CCDC197: variants seen among roughly 807,000 people sequenced by gnomAD.
CCDC197 encodes the protein uncharacterized protein CCDC197.
Under a neutral mutation model 13.4 loss-of-function variants are expected in CCDC197, and 24 were observed. The ratio of observed to expected loss-of-function variants is 1.80; its 90% confidence interval spans 1.30 to 2.53. The LOEUF (loss-of-function observed/expected upper bound fraction) is 2.53, where lower values mean the gene tolerates loss of function less well. Among genes scored for constraint, CCDC197 ranks in the 30% most tolerant of loss-of-function variants. The pLI is 0.00. For synonymous variants in CCDC197, 99 were observed against 55.5 expected (o/e 1.78, Z -3.48); for missense variants, 255 against 148.8 (o/e 1.71, Z -3.71).
downstream of CCDC197, among the ~76,000 whole-genome samples, chr14:94,010,212 C>T (rs113796274): frequency 7.0e-6 from 1 of 143,282 alleles, no homozygotes; most frequent in African/African-American, 2.7e-5. Flanking sequence ...TGTTTGTTGT[C>T]GTTGTTTTTG....
intron 6 of CCDC197, 25 bp from the exon 7 acceptor site, chr14:94,008,584 G>C: frequency 1.4e-6 from 1 of 696,764 alleles, no homozygotes; most frequent in South Asian, 1.5e-5. Flanking sequence ...ACACTGTCAG[G>C]TGAGAGATTT....
At chr14:94,004,680 G>A (rs565468113) in intron 5 of CCDC197, among the ~76,000 whole-genome samples, 175 bp from the exon 6 acceptor site, 1 of 152,280 alleles carries the variant, frequency 6.6e-6, no homozygotes, top group South Asian at 2.1e-4. Flanking sequence ...AGGCTCTGAC[G>A]TAGGGAGGAA....
At position 94,008,828 on chromosome 14, in the gene CCDC197, C is replaced by T; in HGVS notation, c.*16C>T. ...CCTGTACTGACCAGCCTGCGCCTTG[C>T]AGGCCCCATGGCATCACGACCTCTC... is the stretch of plus-strand genomic sequence containing the variant. On this transcript the variant is annotated 3_prime_UTR_variant, in exon 7 of 7. Transcript: ENST00000636493. 1 of 691,302 alleles carries T rather than the reference C, an allele frequency of 1.4e-6. No individual in the cohort carries two copies. 42.8% of individuals were successfully genotyped at this position (691,302 alleles called of 1,614,324 possible). A position where few individuals can be genotyped will look rare whatever the true frequency, so the allele number is the denominator to read the frequency against.
chr14:93,998,773 C>G (rs1250407862), intron 2 of CCDC197, among the ~76,000 whole-genome samples: 1 of 152,248 alleles, frequency 6.6e-6, no homozygotes, highest in Non-Finnish European at 1.5e-5. Context: ...GCTCACAGGG[C>G]CCCACGTGGT....
At chr14:94,009,246 A>G (rs1273603162), downstream of CCDC197, among the ~76,000 whole-genome samples, 2 of 152,184 alleles carry the variant, frequency 1.3e-5, no homozygotes, top group Non-Finnish European at 2.9e-5. Flanking sequence ...TGCCCACAGC[A>G]GTCTGCAGAG....
chr14:93,992,389 G>A (rs1248120812), upstream of CCDC197, among the ~76,000 whole-genome samples: 1 of 152,204 alleles, frequency 6.6e-6, no homozygotes, highest in Non-Finnish European at 1.5e-5. Flanking sequence ...AGCAGGAGGT[G>A]ACAAGGTGGC....
intron 1 of CCDC197, among the ~76,000 whole-genome samples, chr14:93,989,191 C>T (rs564498503): frequency 2.1e-4 from 32 of 152,164 alleles, no homozygotes; most frequent in Admixed American, 2.0e-3. Flanking sequence ...TGACAGCTGC[C>T]GCAGACCCTA....
chr14:93,998,143 G>A lies in CCDC197; in HGVS notation c.12G>A (p.Met4Ile), dbSNP rs10142728. 105,232 of 780,500 alleles carry A rather than the reference G, an allele frequency of 0.13. 13,924 individuals carry two copies. Among genetic ancestry groups the A allele is most frequent in the East Asian group, 0.6 (24,765 of 41,228 alleles). The allele number at this position is 780,500 out of a possible 1,614,324, so 48.3% of individuals were successfully genotyped here. A position where few individuals can be genotyped will look rare whatever the true frequency, so the allele number is the denominator to read the frequency against. The change falls in exon 2 of 7, where the codon ATG becomes ATA. Residue 4 changes from methionine to isoleucine, a missense_variant. By Grantham distance (10) the Met-to-Ile change is conservative. Coordinates refer to ENST00000636493, the MANE Select transcript of CCDC197 (RefSeq NM_001351596.2). MAAMDTGQRADPSN... is the reference protein window; with the variant it reads MAAIDTGQRADPSN... Reference sequence around the variant, plus strand: ...GCGGTGGTGAGGTGATGGCAGCCATGGACACAGGCCAGAGAGCTGACCCAA... The same window carrying A: ...GCGGTGGTGAGGTGATGGCAGCCATAGACACAGGCCAGAGAGCTGACCCAA...
chr14:93,993,420 C>T (rs2273223), upstream of CCDC197, among the ~76,000 whole-genome samples: 817 of 152,330 alleles, frequency 5.4e-3, 10 homozygotes, highest in East Asian at 0.034. Context: ...AAGTGTTGTA[C>T]GTGGACTATC....
chr14:93,998,232 C>A lies in CCDC197; in HGVS notation c.101C>A (p.Ala34Asp). The change falls in exon 2 of 7, where the codon GCT becomes GAT. Residue 34 changes from alanine (A) to aspartate (D), a missense_variant. Transcript: ENST00000636493. ...TGGCAGGAACTCTACCAGCTCCAGG[C>A]TAAGTATGTGTTGTCCCACCCCTGC... ...GLWQELYQLQ[A>D]KQKKLKREVE... 1 of 779,804 alleles carries A rather than the reference C, an allele frequency of 1.3e-6. No individual in the cohort carries two copies. The highest frequency in any genetic ancestry group is 2.4e-6 in the Non-Finnish European group (1 of 418,104). The allele number at this position is 779,804 out of a possible 1,614,324, so 48.3% of individuals were successfully genotyped here.
upstream of CCDC197, among the ~76,000 whole-genome samples, chr14:93,995,552 G>T (rs1289834930): frequency 6.6e-6 from 1 of 152,162 alleles, no homozygotes; most frequent in South Asian, 2.1e-4. Flanking sequence ...GCCAGGGTTT[G>T]CACTGGGAAA....
At chr14:93,988,439 G>C (rs1402100562) in intron 1 of CCDC197, among the ~76,000 whole-genome samples, 5 of 77,284 alleles carry the variant, frequency 6.5e-5, no homozygotes, top group Non-Finnish European at 1.0e-4. Flanking sequence ...GGGAGGAGAG[G>C]ATGGGAGGAG....
intron 6 of CCDC197, 127 bp from the exon 7 acceptor site, chr14:94,008,482 A>G: frequency 1.6e-6 from 1 of 628,194 alleles, no homozygotes. Context: ...TTGATACCAC[A>G]TCCTTTGCAG....
chr14:94,007,622 T>C (rs1042413271), intron 6 of CCDC197: 3 of 152,204 alleles, frequency 2.0e-5, no homozygotes, highest in African/African-American at 7.2e-5. Context: ...TCTTGTGTCA[T>C]GAGTGGAAGT....
downstream of CCDC197, among the ~76,000 whole-genome samples, chr14:94,009,863 A>G (rs1285136030): frequency 6.6e-6 from 1 of 152,214 alleles, no homozygotes; most frequent in Non-Finnish European, 1.5e-5. Flanking sequence ...GGGTAAAATC[A>G]TTCTAGCAAC....
chr14:93,998,066 G>C lies in CCDC197; in HGVS notation c.-66G>C, dbSNP rs1890372364. ...CTGCGGCTGTGACTGTCCCTTTTCG[G>C]TCTGTCTTCATCCTGCCTGACTCAC... On this transcript the variant is annotated 5_prime_UTR_variant, in exon 2 of 7. Coordinates refer to ENST00000636493, the MANE Select transcript of CCDC197 (RefSeq NM_001351596.2). The C allele has an allele frequency of 1.0e-5, 8 of 770,652 alleles. No homozygotes were observed. Among genetic ancestry groups the C allele is most frequent in the Admixed American group, 1.7e-5 (1 of 58,346 alleles). The allele number at this position is 770,652 out of a possible 1,614,324, so 47.7% of individuals were successfully genotyped here.
chr14:94,008,638 A>T lies in CCDC197; in HGVS notation c.645A>T (p.Val215=). ...TCATGTTGGACAAAATGGAGACTGTAAGACTGATCGCACTGCTCACGGAAC... is the reference window on the plus strand; with the variant it reads ...TCATGTTGGACAAAATGGAGACTGTTAGACTGATCGCACTGCTCACGGAAC... ...KEFMLDKMET[V]RLIALLTEPK... The change falls in exon 7 of 7, where the codon GTA becomes GTT. Residue 215 remains valine, a synonymous_variant. Transcript: ENST00000636493. 1.4e-6 allele frequency: 1 copy of T among 703,050 alleles called. No homozygotes were observed. Among genetic ancestry groups the T allele is most frequent in the Non-Finnish European group, 2.6e-6 (1 of 384,998 alleles). The allele number at this position is 703,050 out of a possible 1,614,324, so 43.6% of individuals were successfully genotyped here. A position where few individuals can be genotyped will look rare whatever the true frequency, so the allele number is the denominator to read the frequency against.
upstream of CCDC197, among the ~76,000 whole-genome samples, chr14:93,996,841 C>A (rs1042931752): frequency 1.3e-5 from 2 of 152,214 alleles, no homozygotes; most frequent in African/African-American, 4.8e-5. Context: ...ACAGGAGGTT[C>A]ACCGCCAAGC....
downstream of CCDC197, among the ~76,000 whole-genome samples, chr14:94,009,897 A>C (rs539394052): frequency 6.6e-6 from 1 of 152,346 alleles, no homozygotes; most frequent in Admixed American, 6.5e-5. Context: ...AAAATAATTC[A>C]GCTCTAGAGG....
Sources: allele counts gnomAD v4.1 joint callset (sites outside exome capture counted in the v4.1 genomes callset), GRCh38; gene constraint gnomAD v4.1.1; transcripts MANE v1.5; gene names NCBI Gene and HGNC (gene_info 2026-07-23, HGNC 2026-07-21).